Variants in PSMA5 observed in about 807,000 individuals in gnomAD.
PSMA5 encodes proteasome 20S subunit alpha 5, also known as proteasome subunit alpha type-5.
PSMA5 carries 3 observed loss-of-function variants against 34.5 expected under a neutral mutation model. The ratio of observed to expected loss-of-function variants is 0.09; its 90% CI spans 0.04 to 0.22. The LOEUF is 0.22. Among genes scored for constraint, PSMA5 ranks in the 10% least tolerant of loss-of-function variants. The probability of loss-of-function intolerance (pLI) is 1.00; values close to 1 mark genes in which losing one functional copy is unlikely to be tolerated. For missense variants in PSMA5, 120 were observed against 286.1 expected (o/e 0.42, Z 4.19); for synonymous variants, 88 against 95.8 (o/e 0.92, Z 0.47).
At chr1:109,411,243 CAG>C in intron 6 of PSMA5, 130 bp from the exon 7 acceptor site, 1 of 627,004 alleles carries the variant, frequency 1.6e-6, no homozygotes, top group Non-Finnish European at 2.8e-6. Context: ...TATTGAGGCA[CAG>C]ATCTAAAAGA....
chr1:109,416,169 C>T (rs149442377), intron 2 of PSMA5, among the ~76,000 whole-genome samples: 2 of 152,100 alleles, frequency 1.3e-5, no homozygotes, highest in South Asian at 2.1e-4. Flanking sequence ...CTTCAATAGC[C>T]TCTCTCATCT....
chr1:109,402,446 G>A (rs1571010522), intron 8 of PSMA5, among the ~76,000 whole-genome samples: 1 of 152,300 alleles, frequency 6.6e-6, no homozygotes, highest in East Asian at 1.9e-4. Context: ...AAATATATTT[G>A]AAGTATATTT....
At chr1:109,420,250 A>C (rs560693349) in intron 2 of PSMA5, among the ~76,000 whole-genome samples, 1 of 152,304 alleles carries the variant, frequency 6.6e-6, no homozygotes, top group African/African-American at 2.4e-5. Flanking sequence ...TATTCATGAT[A>C]TATATGGAGA....
chr1:109,421,073 G>A (rs1321652405), intron 2 of PSMA5, among the ~76,000 whole-genome samples: 1 of 151,212 alleles, frequency 6.6e-6, no homozygotes, highest in African/African-American at 2.4e-5. Context: ...CTGTACCCTA[G>A]CTGCTAGGGA....
intron 8 of PSMA5, among the ~76,000 whole-genome samples, chr1:109,407,130 C>T (rs1013640900): frequency 6.6e-6 from 1 of 151,996 alleles, no homozygotes; most frequent in African/African-American, 2.4e-5. Flanking sequence ...GGACTATAGG[C>T]GCCCGCCACC....
intron 2 of PSMA5, among the ~76,000 whole-genome samples, chr1:109,416,360 A>T (rs1654197904): frequency 6.6e-6 from 1 of 152,140 alleles, no homozygotes; most frequent in Non-Finnish European, 1.5e-5. Flanking sequence ...ACTACTCGTT[A>T]TTCTCCAACA....
At chr1:109,426,169 G>T in intron 1 of PSMA5, 133 bp downstream of exon 1, 1 of 1,233,080 alleles carries the variant, frequency 8.1e-7, no homozygotes, top group Non-Finnish European at 1.2e-6. Flanking sequence ...CCTGAGGAGG[G>T]CATAACATCC....
Position 109,415,256 on chromosome 1 carries a change from T to C in PSMA5, c.204A>G (p.Val68=). 1 of 1,613,786 alleles carries C rather than the reference T, an allele frequency of 6.2e-7. No homozygotes were observed. The highest frequency in any genetic ancestry group is 2.2e-5 in the East Asian group (1 of 44,886). Residue 68 remains valine, a synonymous_variant, in exon 3 of 9, where the codon GTA becomes GTG. Coordinates refer to ENST00000271308, the MANE Select transcript of PSMA5 (RefSeq NM_002790.4). Reference sequence around the variant, plus strand: ...CCTTACCTATGTGAGCATCAATCTCTACAATTTTCTCAATGCTGCTGGGCT... The same window carrying C: ...CCTTACCTATGTGAGCATCAATCTCCACAATTTTCTCAATGCTGCTGGGCT... ...LMEPSSIEKI[V]EIDAHIGCAM...
chr1:109,424,465 T>G (rs56231818), intron 1 of PSMA5, among the ~76,000 whole-genome samples: 1 of 151,892 alleles, frequency 6.6e-6, no homozygotes, highest in African/African-American at 2.4e-5. Context: ...CATGAGCCAC[T>G]GTACCTGTAA....
At chr1:109,416,723 T>C (rs1302005680) in intron 2 of PSMA5, among the ~76,000 whole-genome samples, 1 of 152,244 alleles carries the variant, frequency 6.6e-6, no homozygotes, top group Non-Finnish European at 1.5e-5. Flanking sequence ...TTATTAAATG[T>C]ACACCAGCTT....
rs749786389 is a variant in PSMA5 at position 109,402,048 on chromosome 1, T to G, written c.691A>C (p.Lys231Gln). 1.9e-6 allele frequency: 3 copies of G among 1,612,632 alleles called. 1 individual carries two copies. The South Asian group carries it at 3.3e-5, about 18-fold the overall frequency. Residue 231 changes from lysine to glutamine, a missense_variant, in exon 9 of 9, where the codon AAG (lysine) becomes CAG (glutamine). Lys to Gln is a moderately conservative substitution (Grantham distance 53). Coordinates refer to ENST00000271308, the MANE Select transcript of PSMA5 (RefSeq NM_002790.4). ...QPGQNFHMFT[K>Q]EELEEVIKDI ...TTGATAACCTCTTCAAGTTCTTCCT[T>G]TGTGAACATGTGGAAATTCTGGCCA...
chr1:109,409,187 C>T (rs895101495), intron 8 of PSMA5, among the ~76,000 whole-genome samples: 8 of 152,170 alleles, frequency 5.3e-5, no homozygotes, highest in Admixed American at 2.0e-4. Flanking sequence ...GACAGAGTCT[C>T]GCTCTATCGC....
intron 2 of PSMA5, among the ~76,000 whole-genome samples, chr1:109,417,029 C>T (rs182045928): frequency 1.1e-4 from 17 of 152,206 alleles, no homozygotes; most frequent in Admixed American, 3.3e-4. Context: ...TGCTTGAGCC[C>T]GGGAGGCAGA....
intron 1 of PSMA5, among the ~76,000 whole-genome samples, 154 bp from the exon 2 acceptor site, chr1:109,422,080 G>T (rs1654465201): frequency 6.6e-6 from 1 of 152,056 alleles, no homozygotes; most frequent in African/African-American, 2.4e-5. Flanking sequence ...GCATTTTTTT[G>T]TACATTAACA....
intron 2 of PSMA5, among the ~76,000 whole-genome samples, chr1:109,421,292 C>CT (rs1414053284): frequency 2.6e-5 from 4 of 151,850 alleles, no homozygotes; most frequent in Admixed American, 2.0e-4. Flanking sequence ...AATCCCAGCA[C>CT]TTTGGGAGGC....
Position 109,404,672 on chromosome 1 carries a change from T to C in PSMA5, c.649-2582A>G, listed in dbSNP as rs532770407. Among the ~76,000 whole-genome samples the C allele has an allele frequency of 2.0e-5, 3 of 152,370 alleles. No individual in the cohort carries two copies. The East Asian group carries it at 5.8e-4, about 29-fold the overall frequency. Reference sequence around the variant, plus strand: ...AAATGTATTTGCATAATATGAAAGATACTTTTCTATTTATTATCTCACTTT... The same window carrying C: ...AAATGTATTTGCATAATATGAAAGACACTTTTCTATTTATTATCTCACTTT... On this transcript the variant is annotated intron_variant, in intron 8 of 8. Coordinates refer to ENST00000271308, the MANE Select transcript of PSMA5 (RefSeq NM_002790.4).
At chr1:109,412,754 C>G (rs1284063671) in intron 4 of PSMA5, 1 of 234,836 alleles carries the variant, frequency 4.3e-6, no homozygotes, top group Admixed American at 5.4e-5. Flanking sequence ...TATCCTTTAA[C>G]TACGTCCACC....
At chr1:109,422,477 T>G (rs1043604263) in intron 1 of PSMA5, among the ~76,000 whole-genome samples, 1 of 135,498 alleles carries the variant, frequency 7.4e-6, no homozygotes, top group African/African-American at 2.7e-5. Flanking sequence ...AAAACACAGT[T>G]ATTACTTTTT....
chr1:109,407,131 G>A (rs576458089), intron 8 of PSMA5, among the ~76,000 whole-genome samples: 43 of 152,114 alleles, frequency 2.8e-4, no homozygotes, highest in African/African-American at 8.7e-4. Context: ...GACTATAGGC[G>A]CCCGCCACCA....
Sources: allele counts gnomAD v4.1 joint callset (sites outside exome capture counted in the v4.1 genomes callset), GRCh38; gene constraint gnomAD v4.1.1; transcripts MANE v1.5; gene names NCBI Gene and HGNC (gene_info 2026-07-23, HGNC 2026-07-21).